GABRB1: variants seen among roughly 807,000 people sequenced by gnomAD.
GABRB1 encodes gamma-aminobutyric acid type A receptor subunit beta1.
In GABRB1, 17 loss-of-function variants were observed where a neutral mutation model predicts 51.6. That is an observed-to-expected ratio of 0.33 (90% CI 0.23 to 0.49). The LOEUF (loss-of-function observed/expected upper bound fraction) is 0.49. GABRB1 is among the 20% of genes least tolerant of loss of function. The probability of loss-of-function intolerance (pLI) is 0.99; values close to 1 mark genes in which losing one functional copy is unlikely to be tolerated. For synonymous variants in GABRB1, 247 were observed against 218.9 expected, an observed-to-expected ratio of 1.13 and a Z score of -1.14; for missense variants, 410 against 600.6, an observed-to-expected ratio of 0.68 and a Z score of 3.32.
At chr4:47,159,696 G>C (rs866411953) in intron 3 of GABRB1, among the ~76,000 whole-genome samples, 1 of 151,986 alleles carries the variant, frequency 6.6e-6, no homozygotes, top group African/African-American at 2.4e-5. Flanking sequence ...AAAGACCCTG[G>C]AATTCATTGT....
At chr4:47,227,540 A>G (rs1308419895) in intron 4 of GABRB1, among the ~76,000 whole-genome samples, 1 of 152,140 alleles carries the variant, frequency 6.6e-6, no homozygotes, top group African/African-American at 2.4e-5. Context: ...GTTATAACCA[A>G]GGAATTAGCT....
chr4:47,274,430 A>G (rs1578054618), intron 4 of GABRB1, among the ~76,000 whole-genome samples: 1 of 152,248 alleles, frequency 6.6e-6, no homozygotes, highest in African/African-American at 2.4e-5. Context: ...CAATTATTTT[A>G]GACCTTTTAC....
chr4:47,284,127 C>CCCATTTT (rs1479268016), intron 4 of GABRB1, among the ~76,000 whole-genome samples: 5 of 150,102 alleles, frequency 3.3e-5, no homozygotes, highest in African/African-American at 7.4e-5. Context: ...AAAAGGAAGT[C>CCCATTTT]CCATTTTCCA....
At chr4:47,092,991 C>T (rs191590226) in intron 3 of GABRB1, among the ~76,000 whole-genome samples, 196 of 152,138 alleles carry the variant, frequency 1.3e-3, no homozygotes, top group Non-Finnish European at 2.1e-3. Context: ...TTAAGAAATA[C>T]AAAAAGAGAT....
intron 3 of GABRB1, among the ~76,000 whole-genome samples, chr4:47,118,366 A>T (rs1234943509): frequency 6.6e-6 from 1 of 152,282 alleles, no homozygotes; most frequent in South Asian, 2.1e-4. Context: ...GAATGATTCT[A>T]TCTAGAGTCA....
intron 1 of GABRB1, among the ~76,000 whole-genome samples, chr4:47,010,374 T>A (rs1169308117): frequency 1.3e-5 from 2 of 152,230 alleles, no homozygotes; most frequent in East Asian, 3.8e-4. Flanking sequence ...CTCTGCCTCA[T>A]CCTTGCTTAA....
In GABRB1 at chr4:47,088,848, C is replaced by T. The variant is rs922805146; in HGVS notation, c.240+56364C>T. Among the ~76,000 whole-genome samples, 364 of 152,138 alleles carry T rather than the reference C, an allele frequency of 2.4e-3. 5 individuals carry two copies. The highest frequency in any genetic ancestry group is 2.2e-4 in the Non-Finnish European group (15 of 68,034). On this transcript the variant is annotated intron_variant, in intron 3 of 8. Coordinates refer to ENST00000295454, the MANE Select transcript of GABRB1 (RefSeq NM_000812.4). ...CTAGCTATAGTCAACCTTTACAAGG[C>T]GCACCTTTGCTTGGAAAAACAATAA... is the stretch of plus-strand genomic sequence containing the variant.
At chr4:47,408,662 C>T (rs191310603) in intron 8 of GABRB1, among the ~76,000 whole-genome samples, 16 of 152,286 alleles carry the variant, frequency 1.1e-4, no homozygotes, top group African/African-American at 2.6e-4. Flanking sequence ...TAAAATGAGA[C>T]AGGACACAGT....
chr4:47,295,630 G>A (rs149082434), intron 4 of GABRB1, among the ~76,000 whole-genome samples: 3,262 of 152,330 alleles, frequency 0.021, 37 homozygotes, highest in South Asian at 0.042. Context: ...ATCTACGTCT[G>A]ACTGGTGTAC....
rs185455276 is a variant in GABRB1, at chr4:47,334,169, T to C, written c.544+13960T>C. 1.2e-4 allele frequency among the ~76,000 whole-genome samples: 19 copies of C among 152,314 alleles called. No homozygotes were observed. In the East Asian group the frequency reaches 3.3e-3, roughly 26 times the overall value. On this transcript the variant is annotated intron_variant, in intron 5 of 8. Transcript: ENST00000295454. The stretch of plus-strand genomic sequence containing the variant: ...TGTATTTCAAACATTTCCCAGATGA[T>C]ACTAATGCTGTTGGTTGATGGACTC...
chr4:47,243,540 G>C (rs1276669797), intron 4 of GABRB1, among the ~76,000 whole-genome samples: 2 of 152,132 alleles, frequency 1.3e-5, no homozygotes, highest in Non-Finnish European at 2.9e-5. Context: ...TCTTCCATTT[G>C]TTTGTGTCCT....
intron 3 of GABRB1, among the ~76,000 whole-genome samples, chr4:47,068,934 G>C (rs1311175992): frequency 6.6e-6 from 1 of 152,152 alleles, no homozygotes; most frequent in Non-Finnish European, 1.5e-5. Context: ...TAAAAACAGG[G>C]AGAGATGCCA....
chr4:47,350,204 TATATATATATATATAGAG>T (rs1434987561), intron 5 of GABRB1, among the ~76,000 whole-genome samples: 5 of 93,314 alleles, frequency 5.4e-5, no homozygotes, highest in African/African-American at 2.3e-4. Context: ...TATATATATA[TATATATATATATATAGAG>T]AGAGAGAGAG....
intron 4 of GABRB1, among the ~76,000 whole-genome samples, chr4:47,286,297 G>A (rs926752445): frequency 7.2e-5 from 11 of 152,130 alleles, no homozygotes; most frequent in Non-Finnish European, 1.6e-4. Flanking sequence ...TGAAGTGCAT[G>A]CATTGTCTTA....
At chr4:47,035,182 A>T (rs6846701) in intron 3 of GABRB1, among the ~76,000 whole-genome samples, 131,959 of 152,142 alleles carry the variant, frequency 0.87, 57,666 homozygotes, top group South Asian at 0.92. Context: ...TTTGTTCTTT[A>T]CCATTGCTTC....
At chr4:47,412,635 G>A (rs1019915655) in intron 8 of GABRB1, among the ~76,000 whole-genome samples, 2 of 152,052 alleles carry the variant, frequency 1.3e-5, no homozygotes, top group Non-Finnish European at 2.9e-5. Context: ...TTGTCTCAAC[G>A]CCAAGGAAAT....
At chr4:47,279,505 C>T (rs910403733) in intron 4 of GABRB1, among the ~76,000 whole-genome samples, 1 of 152,012 alleles carries the variant, frequency 6.6e-6, no homozygotes, top group Non-Finnish European at 1.5e-5. Flanking sequence ...AGTTTGAAAA[C>T]CATTAATAGG....
chr4:47,258,718 A>G (rs1722312061), intron 4 of GABRB1, among the ~76,000 whole-genome samples: 1 of 152,186 alleles, frequency 6.6e-6, no homozygotes, highest in Non-Finnish European at 1.5e-5. Context: ...GCACAAAATA[A>G]CAAAATTTTC....
At chr4:47,086,648 G>A (rs1728089511) in intron 3 of GABRB1, among the ~76,000 whole-genome samples, 1 of 152,134 alleles carries the variant, frequency 6.6e-6, no homozygotes, top group Non-Finnish European at 1.5e-5. Flanking sequence ...TCATAGTGCA[G>A]GTTTATGGAA....
Sources: gnomAD v4.1 joint callset for allele counts (sites outside exome capture counted in the v4.1 genomes callset) on GRCh38, gnomAD v4.1.1 for gene constraint, MANE v1.5 for transcripts, NCBI Gene and HGNC (gene_info 2026-07-23, HGNC 2026-07-21) for gene names.